Variants in SESN1 observed in about 807,000 individuals in gnomAD.
The protein encoded by SESN1 is sestrin 1.
SESN1 carries 30 observed loss-of-function variants against 59.3 expected under a neutral mutation model. The observed-to-expected ratio is 0.51, with a 90% CI of 0.38 to 0.69. The LOEUF is 0.69. Among genes scored for constraint, SESN1 ranks in the 30% least tolerant of loss-of-function variants. The pLI is 0.00. For synonymous variants in SESN1, 197 were observed against 219.9 expected (o/e 0.90, Z 0.92); for missense variants, 566 against 673.0 (o/e 0.84, Z 1.76).
At chr6:109,008,733 A>G in intron 1 of SESN1, 1 of 975,788 alleles carries the variant, frequency 1.0e-6, no homozygotes, top group Non-Finnish European at 1.2e-6. Flanking sequence ...AAAACACAAA[A>G]TGTTACAATT....
At chr6:108,999,169 C>T (rs1402713463) in intron 4 of SESN1, 1 of 153,748 alleles carries the variant, frequency 6.5e-6, no homozygotes, top group Non-Finnish European at 1.4e-5. Context: ...ATAAGGCCTC[C>T]TCAAGGAATT....
intron 1 of SESN1, among the ~76,000 whole-genome samples, chr6:109,038,786 A>C (rs1780285531): frequency 6.6e-6 from 1 of 152,158 alleles, no homozygotes; most frequent in African/African-American, 2.4e-5. Context: ...ACTCCATTGT[A>C]GGGATCAGCT....
chr6:109,062,390 C>A (rs911653435), intron 1 of SESN1, among the ~76,000 whole-genome samples: 1 of 152,176 alleles, frequency 6.6e-6, no homozygotes, highest in African/African-American at 2.4e-5. Flanking sequence ...GAGCACATTG[C>A]AAGATGAGGC....
At chr6:109,027,654 G>A (rs1164348541) in intron 1 of SESN1, among the ~76,000 whole-genome samples, 2 of 152,002 alleles carry the variant, frequency 1.3e-5, no homozygotes, top group Non-Finnish European at 2.9e-5. Flanking sequence ...AACTGGTGAG[G>A]AGCAGGTTGT....
At chr6:108,989,577 C>A (rs1178050168) in intron 8 of SESN1, among the ~76,000 whole-genome samples, 2 of 148,584 alleles carry the variant, frequency 1.3e-5, no homozygotes, top group Admixed American at 6.7e-5. Flanking sequence ...CTAGAGATAT[C>A]TATATATAGA....
At chr6:109,006,463 G>A (rs183149500) in intron 1 of SESN1, among the ~76,000 whole-genome samples, 25 of 65,458 alleles carry the variant, frequency 3.8e-4, no homozygotes, top group African/African-American at 1.1e-3. Flanking sequence ...CCTACCCCAC[G>A]ACAGGCCCCG....
At position 109,029,718 on chromosome 6, in the gene SESN1, GAC is replaced by G. The variant is rs533648035; in HGVS notation, c.280-27377_280-27376del. On this transcript the variant is annotated intron_variant, in intron 1 of 9. Transcript: ENST00000436639. ...CCAGCTATTTTTTTATTTTTGTAGA[GAC>G]AGAGTCTTGCCATGTCGCTCAAGCT... Among the ~76,000 whole-genome samples, 10 of 152,160 alleles carry G rather than the reference GAC, an allele frequency of 6.6e-5. No individual in the cohort carries two copies. In the East Asian group the frequency reaches 1.6e-3, roughly 24 times the overall value.
At chr6:109,090,256 T>A (rs906625169) in intron 1 of SESN1, among the ~76,000 whole-genome samples, 6 of 152,012 alleles carry the variant, frequency 3.9e-5, no homozygotes, top group Non-Finnish European at 7.4e-5. Flanking sequence ...AGTTGTAGAG[T>A]TAATAAAGTA....
At chr6:109,067,986 G>A (rs142748839) in intron 1 of SESN1, among the ~76,000 whole-genome samples, 1 of 152,330 alleles carries the variant, frequency 6.6e-6, no homozygotes, top group African/African-American at 2.4e-5. Context: ...TCTGAAGGCA[G>A]AAGTGGGTAT....
intron 1 of SESN1, among the ~76,000 whole-genome samples, chr6:109,006,857 T>G (rs1276656222): frequency 6.6e-6 from 1 of 152,214 alleles, no homozygotes; most frequent in Non-Finnish European, 1.5e-5. Flanking sequence ...ATTTCATAGC[T>G]TCCTATTTAG....
At chr6:108,991,924 C>G (rs977208773) in intron 7 of SESN1, among the ~76,000 whole-genome samples, 1 of 152,176 alleles carries the variant, frequency 6.6e-6, no homozygotes, top group Non-Finnish European at 1.5e-5. Flanking sequence ...TATCCCTCAA[C>G]CTAAGCTTAA....
At chr6:109,002,110 A>C (rs1779638364) in intron 2 of SESN1, among the ~76,000 whole-genome samples, 168 bp downstream of exon 2, 1 of 152,248 alleles carries the variant, frequency 6.6e-6, no homozygotes, top group Admixed American at 6.5e-5. Flanking sequence ...CAACACAAGT[A>C]CAACAGCTTT....
At chr6:109,009,084 G>T in intron 1 of SESN1, 1 of 838,296 alleles carries the variant, frequency 1.2e-6, no homozygotes, top group Non-Finnish European at 1.6e-6. Flanking sequence ...TTACATGACC[G>T]CGGCCGCAGT....
intron 5 of SESN1, among the ~76,000 whole-genome samples, chr6:108,997,077 A>T (rs76732622): frequency 0.098 from 14,938 of 152,160 alleles, 891 homozygotes; most frequent in Middle Eastern, 0.19. Context: ...GTATCTGAAG[A>T]GCTGAGTCAG....
intron 1 of SESN1, among the ~76,000 whole-genome samples, chr6:109,043,463 A>G (rs559068455): frequency 5.1e-4 from 78 of 152,298 alleles, no homozygotes; most frequent in African/African-American, 1.9e-3. Context: ...ATGTACATAG[A>G]AAATCCCAAG....
At position 109,093,950 on chromosome 6, in the gene SESN1, CCGAA is replaced by C; in HGVS notation, c.120_123del (p.Ser41Ter). 6.2e-7 allele frequency: 1 copy of C among 1,614,164 alleles called. No individual in the cohort carries two copies. The highest frequency in any genetic ancestry group is 1.1e-5 in the South Asian group (1 of 91,082). On this transcript the variant is annotated frameshift_variant, in exon 1 of 10. Transcript: ENST00000436639. LOFTEE classifies it high-confidence loss of function. ...GATGGACGATGAGGTGTTTCTTTCA[CCGAA>C]CGAAGATACTCGGTTTTCCTCAAAA...
chr6:108,997,117 A>G (rs538288989), intron 5 of SESN1, among the ~76,000 whole-genome samples: 3 of 150,510 alleles, frequency 2.0e-5, no homozygotes, highest in South Asian at 2.2e-4. Context: ...AGAACAAGCC[A>G]TATCAGCTCA....
chr6:109,084,559 AAAAACAAAAC>A (rs1236337711), intron 1 of SESN1, among the ~76,000 whole-genome samples: 1 of 152,216 alleles, frequency 6.6e-6, no homozygotes, highest in Non-Finnish European at 1.5e-5. Context: ...GTCTCAAAAC[AAAAACAAAAC>A]AAAAGAAAAC....
chr6:109,014,314 C>G (rs976729106), intron 1 of SESN1, among the ~76,000 whole-genome samples: 3 of 152,144 alleles, frequency 2.0e-5, no homozygotes, highest in African/African-American at 7.2e-5. Context: ...TCCTGTGTAT[C>G]AGACACAACA....
Sources: gnomAD v4.1 joint callset for allele counts (sites outside exome capture counted in the v4.1 genomes callset) on GRCh38, gnomAD v4.1.1 for gene constraint, MANE v1.5 for transcripts, NCBI Gene and HGNC (gene_info 2026-07-23, HGNC 2026-07-21) for gene names.